Variants in HIVEP3 observed in about 807,000 individuals in gnomAD.
HIVEP3 encodes the protein transcription factor HIVEP3.
A neutral mutation model predicts 152.8 loss-of-function variants in HIVEP3; 49 were observed. That is an observed-to-expected ratio of 0.32 (90% CI 0.26 to 0.41). The LOEUF is 0.41. Among genes scored for constraint, HIVEP3 ranks in the 10% least tolerant of loss-of-function variants. The pLI, the probability that HIVEP3 is intolerant of heterozygous loss-of-function variation, is 1.00. For missense variants in HIVEP3, 2,790 were observed against 3,103.3 expected, an observed-to-expected ratio of 0.90 and a Z score of 2.40; for synonymous variants, 1,269 against 1,289.0, an observed-to-expected ratio of 0.98 and a Z score of 0.33.
intron 1 of HIVEP3, among the ~76,000 whole-genome samples, chr1:41,823,177 C>T (rs944815577): frequency 5.3e-5 from 8 of 152,186 alleles, no homozygotes; most frequent in Non-Finnish European, 8.8e-5. Context: ...GGAAGAGAGA[C>T]CTCATCAGAA....
At chr1:42,016,608 G>A (rs981411491) in intron 1 of HIVEP3, among the ~76,000 whole-genome samples, 3 of 151,864 alleles carry the variant, frequency 2.0e-5, no homozygotes, top group South Asian at 2.1e-4. Flanking sequence ...ATAGTTTGGT[G>A]TATATTTTCC....
At chr1:41,783,576 C>T (rs1465922957) in intron 1 of HIVEP3, among the ~76,000 whole-genome samples, 1 of 152,158 alleles carries the variant, frequency 6.6e-6, no homozygotes, top group Non-Finnish European at 1.5e-5. Context: ...ACACTCTTGC[C>T]AGTCACTAGA....
At position 41,580,846 on chromosome 1, in the gene HIVEP3, C is replaced by G. The variant is rs78390314; in HGVS notation, c.3952G>C (p.Val1318Leu). The change falls in exon 4 of 9, where the codon GTT (valine) becomes CTT (leucine). Residue 1318 changes from valine (V) to leucine (L), a missense_variant. This residue lies in a region of HIVEP3 where 1,078 missense variants were observed against 1,165.3 expected (regional missense o/e 0.93). Transcript: ENST00000372583. ...TTGGTCTGAACACGGACAGGCACAA[C>G]CAGGGACACCATGGTGTCTGGACAG... Reference protein sequence around the residue: ...PACPDTMVSLVVPVRVQTNMP... With the variant: ...PACPDTMVSLLVPVRVQTNMP... 2.4e-5 allele frequency: 39 copies of G among 1,595,736 alleles called. No homozygotes were observed. In the East Asian group the frequency reaches 8.7e-4, roughly 36 times the overall value.
At chr1:41,545,058 A>ACCT (rs1643705195) in intron 5 of HIVEP3, among the ~76,000 whole-genome samples, 1 of 123,086 alleles carries the variant, frequency 8.1e-6, no homozygotes. Context: ...CACCACCATC[A>ACCT]CTACCACCAC....
At chr1:41,933,152 T>C (rs759247478) in intron 1 of HIVEP3, among the ~76,000 whole-genome samples, 3 of 152,086 alleles carry the variant, frequency 2.0e-5, no homozygotes, top group Non-Finnish European at 4.4e-5. Flanking sequence ...TCATGTAAAG[T>C]ATACTATAAA....
chr1:41,583,952 T>A lies in HIVEP3; in HGVS notation c.846A>T (p.Thr282=), dbSNP rs1558089263. ...EFEEPTEGES[T]DSEEETSATS... is the part of the protein sequence containing the mutation. Reference sequence around the variant, plus strand: ...TGGCACTAGTCTCCTCTTCAGAATCTGTGCTTTCTCCCTCAGTGGGCTCCT... The same window carrying A: ...TGGCACTAGTCTCCTCTTCAGAATCAGTGCTTTCTCCCTCAGTGGGCTCCT... The change falls in exon 4 of 9, where the codon ACA becomes ACT. Residue 282 remains threonine, a synonymous_variant. Coordinates refer to ENST00000372583, the MANE Select transcript of HIVEP3 (RefSeq NM_024503.5). This position sits in a 1 kb window ranked among gnomAD's most constrained non-coding sequence, Gnocchi z 6.9. The A allele has an allele frequency of 6.2e-7, 1 of 1,614,176 alleles. No individual in the cohort carries two copies. The highest frequency in any genetic ancestry group is 8.5e-7 in the Non-Finnish European group (1 of 1,180,018).
intron 1 of HIVEP3, among the ~76,000 whole-genome samples, chr1:41,726,466 A>G (rs1646753943): frequency 6.6e-6 from 1 of 152,218 alleles, no homozygotes; most frequent in South Asian, 2.1e-4. Context: ...GCAGTGGGTG[A>G]CGTTTACACA....
chr1:41,867,674 G>A (rs1219121129), intron 1 of HIVEP3, among the ~76,000 whole-genome samples: 1 of 152,128 alleles, frequency 6.6e-6, no homozygotes, highest in Non-Finnish European at 1.5e-5. Flanking sequence ...CTCACCTCAA[G>A]GTCTCACCTG....
chr1:41,993,208 A>G (rs985054496), intron 1 of HIVEP3, among the ~76,000 whole-genome samples: 2 of 151,424 alleles, frequency 1.3e-5, no homozygotes, highest in Admixed American at 6.6e-5. Flanking sequence ...CAGAGTGAAC[A>G]GGCAACCTAC....
At chr1:41,886,435 G>A (rs1261154018) in intron 1 of HIVEP3, among the ~76,000 whole-genome samples, 4 of 152,036 alleles carry the variant, frequency 2.6e-5, no homozygotes, top group Admixed American at 6.6e-5. Flanking sequence ...AGAGCGGTCC[G>A]GGTGCGGTGG....
rs1363163486 is a variant in HIVEP3, at chr1:41,581,701, C to T, written c.3097G>A (p.Ala1033Thr). ...PSAPAPVAPP[A>T]RVAPPERRKC... ...CTTCTCTCTGGCGGGGCCACCCGCG[C>T]TGGTGGAGCCACTGGGGCTGGAGCA... Residue 1033 changes from alanine (A) to threonine (T), a missense_variant, in exon 4 of 9, where the codon GCG (alanine) becomes ACG (threonine). Coordinates refer to ENST00000372583, the MANE Select transcript of HIVEP3 (RefSeq NM_024503.5). The surrounding 1 kb of genome is among the most constrained non-coding windows in gnomAD (Gnocchi z 4.5). 4 of 1,613,354 alleles carry T rather than the reference C, an allele frequency of 2.5e-6. No homozygotes were observed. The highest frequency in any genetic ancestry group is 3.4e-6 in the Non-Finnish European group (4 of 1,179,692).
In HIVEP3 at chr1:41,511,326, C is replaced by T. The variant is rs979146057; in HGVS notation, c.6406-60G>A. The stretch of plus-strand genomic sequence containing the variant: ...GTTACATGCTGGGCACATGGGGAGC[C>T]GAGGCCTGGAAGTGGGAGGGGGACT... On this transcript the variant is annotated intron_variant, in intron 8 of 8. Coordinates refer to ENST00000372583, the MANE Select transcript of HIVEP3 (RefSeq NM_024503.5). This position sits in a 1 kb window ranked among gnomAD's most constrained non-coding sequence, Gnocchi z 4.9. 7.7e-5 allele frequency: 109 copies of T among 1,414,650 alleles called. No individual in the cohort carries two copies. Among genetic ancestry groups the T allele is most frequent in the South Asian group, 1.4e-4 (10 of 71,958 alleles). 87.6% of individuals were successfully genotyped at this position (1,414,650 alleles called of 1,614,324 possible). A position where few individuals can be genotyped will look rare whatever the true frequency, so the allele number is the denominator to read the frequency against.
In HIVEP3 at chr1:41,928,060, C is replaced by CAAAA. The variant is rs10660316; in HGVS notation, n.120-9540_120-9537dup. 1.4e-3 allele frequency among the ~76,000 whole-genome samples: 121 copies of CAAAA among 85,978 alleles called. 1 individual carries two copies. The highest frequency in any genetic ancestry group is 2.6e-3 in the African/African-American group (60 of 22,904). The allele number at this position is 85,978 out of a possible 152,430, so 56.4% of individuals were successfully genotyped here. Reference sequence around the variant, plus strand: ...TGGGTGACAGGGCGAGACTCCATCTCAAAAAAAAAAAAAAAAAAAAGGCTT... The same window carrying CAAAA: ...TGGGTGACAGGGCGAGACTCCATCTCAAAAAAAAAAAAAAAAAAAAAAAAGGCTT... On this transcript the variant is annotated intron_variant and non_coding_transcript_variant, in intron 1 of 3. Transcript: ENST00000489103.
chr1:41,561,768 T>C (rs1644069338), intron 5 of HIVEP3, among the ~76,000 whole-genome samples: 1 of 151,962 alleles, frequency 6.6e-6, no homozygotes, highest in African/African-American at 2.4e-5. Flanking sequence ...AGTGCTGGGA[T>C]TACAGGTGTG....
intron 2 of HIVEP3, among the ~76,000 whole-genome samples, chr1:41,697,804 T>C (rs1646300006): frequency 1.3e-5 from 2 of 152,210 alleles, no homozygotes; most frequent in African/African-American, 4.8e-5. Flanking sequence ...GCATTCTTAT[T>C]GGTGAACACA....
chr1:41,966,472 A>ATTTTTTTTTTT (rs1217444785), intron 1 of HIVEP3, among the ~76,000 whole-genome samples: 3 of 46,544 alleles, frequency 6.4e-5, no homozygotes, highest in African/African-American at 2.1e-4. Context: ...AGTGTGCTGT[A>ATTTTTTTTTTT]TTCTTTTTTT....
chr1:41,722,070 G>A (rs1454007599), intron 1 of HIVEP3, among the ~76,000 whole-genome samples: 1 of 152,204 alleles, frequency 6.6e-6, no homozygotes, highest in Non-Finnish European at 1.5e-5. Context: ...GGCCAAGCAG[G>A]CTGCCCCTAC....
At chr1:42,018,651 C>T (rs745849537) in intron 1 of HIVEP3, among the ~76,000 whole-genome samples, 2 of 151,962 alleles carry the variant, frequency 1.3e-5, no homozygotes, top group Non-Finnish European at 2.9e-5. Context: ...AATTAAGAAG[C>T]AGTAAACAGA....
At position 41,575,509 on chromosome 1, in the gene HIVEP3, G is replaced by A. The variant is rs369692901; in HGVS notation, c.5207+35C>T. On this transcript the variant is annotated intron_variant, in intron 5 of 8. Coordinates refer to ENST00000372583, the MANE Select transcript of HIVEP3 (RefSeq NM_024503.5). ...CAATGGGCACCAGCTCTTATTCCAC[G>A]GAAGCAGACGATGGAAACCAAACAT... 74 of 1,608,074 alleles carry A rather than the reference G, an allele frequency of 4.6e-5. No individual in the cohort carries two copies. The African/African-American group carries it at 4.9e-4, about 11-fold the overall frequency.
Sources: gnomAD v4.1 joint callset for allele counts (sites outside exome capture counted in the v4.1 genomes callset) on GRCh38, gnomAD v4.1.1 for gene constraint, gnomAD v4.1.1 regional missense constraint, Gnocchi (gnomAD v3.1) non-coding constraint, MANE v1.5 for transcripts, NCBI Gene and HGNC (gene_info 2026-07-23, HGNC 2026-07-21) for gene names.